The following PAK1 variants were observed in gnomAD, a reference collection of about 807,000 sequenced individuals.
PAK1 encodes the protein p21 (RAC1) activated kinase 1.
In PAK1, 29 loss-of-function variants were observed where a neutral mutation model predicts 67.4. The observed-to-expected ratio is 0.43, with a 90% confidence interval of 0.32 to 0.59. The LOEUF is 0.59. Ranked by LOEUF, PAK1 falls within the 20% of genes least tolerant of loss-of-function variation. The pLI is 0.07. For synonymous variants in PAK1, 223 were observed against 237.4 expected, an observed-to-expected ratio of 0.94 and a Z score of 0.56; for missense variants, 337 against 670.7, an observed-to-expected ratio of 0.50 and a Z score of 5.50.
chr11:77,407,840 A>G (rs1191411490), intron 1 of PAK1, among the ~76,000 whole-genome samples: 1 of 152,232 alleles, frequency 6.6e-6, no homozygotes, highest in Non-Finnish European at 1.5e-5. Context: ...ACAGGGACGA[A>G]GTCTGTTTCC....
rs142981945 is a variant in PAK1, at chr11:77,324,750, T to TACACACAC, written c.1552-1398_1552-1391dup. ...TGATTAGTCATATTGTATATATGTATACACACACACACACACACACACACA... is the reference window on the plus strand; with the variant it reads ...TGATTAGTCATATTGTATATATGTATACACACACACACACACACACACACACACACACA... On this transcript the variant is annotated intron_variant, in intron 14 of 14. Transcript: ENST00000356341. 9.5e-3 allele frequency among the ~76,000 whole-genome samples: 1,336 copies of TACACACAC among 140,774 alleles called. 10 individuals carry two copies. The highest frequency in any genetic ancestry group is 0.031 in the African/African-American group (1,037 of 33,832). 92.4% of individuals were successfully genotyped at this position (140,774 alleles called of 152,430 possible).
intron 14 of PAK1, among the ~76,000 whole-genome samples, chr11:77,327,177 C>T (rs1443159165): frequency 6.6e-6 from 1 of 152,020 alleles, no homozygotes; most frequent in African/African-American, 2.4e-5. Flanking sequence ...CTGAAAGTGA[C>T]GGGGAGAATG....
chr11:77,518,253 C>A, the PAK1 span, among the ~76,000 whole-genome samples: 1 of 151,946 alleles, frequency 6.6e-6, no homozygotes. Context: ...AATTTGAATA[C>A]TTTTTATGAA....
chr11:77,327,742 C>T (rs930635343), intron 14 of PAK1, among the ~76,000 whole-genome samples: 1 of 152,174 alleles, frequency 6.6e-6, no homozygotes, highest in African/African-American at 2.4e-5. Flanking sequence ...AGCAAAATAA[C>T]CAGCTAACAT....
chr11:77,502,487 T>C, the PAK1 span, among the ~76,000 whole-genome samples: 1 of 152,230 alleles, frequency 6.6e-6, no homozygotes, highest in African/African-American at 2.4e-5. Context: ...GGATAGATTC[T>C]CAGAAGTAGA....
chr11:77,359,014 C>T lies in PAK1; in HGVS notation c.481G>A (p.Val161Met), dbSNP rs1946421005. 1 of 1,612,740 alleles carries T rather than the reference C, an allele frequency of 6.2e-7. No individual in the cohort carries two copies. The highest frequency in any genetic ancestry group is 1.3e-5 in the African/African-American group (1 of 74,862). The change falls in exon 6 of 15, where the codon GTG becomes ATG. Residue 161 changes from valine (V) to methionine (M), a missense_variant. Around this residue, in one of 8 missense-constraint regions of PAK1, gnomAD observed 150 missense variants for 179.0 expected, o/e 0.84. Transcript: ENST00000356341. ...EDYNSSNALN[V>M]KAVSETPAVP... ...GCAGGAGTCTCAGACACAGCCTTCA[C>T]ATTCTGTGCAAAGAAGAAAAGCAAG...
intron 5 of PAK1, among the ~76,000 whole-genome samples, chr11:77,360,204 A>T (rs1437724807): frequency 6.6e-6 from 1 of 152,176 alleles, no homozygotes; most frequent in East Asian, 1.9e-4. Context: ...CATTTGACAT[A>T]CTAAAGTAAG....
the PAK1 span, among the ~76,000 whole-genome samples, chr11:77,523,237 T>G: frequency 9.3e-4 from 142 of 152,132 alleles, no homozygotes; most frequent in African/African-American, 3.2e-3. Flanking sequence ...GTTGAAAAAT[T>G]TTTTAAAAGG....
chr11:77,433,406 CA>C (rs1361837996), intron 1 of PAK1, among the ~76,000 whole-genome samples: 1 of 152,124 alleles, frequency 6.6e-6, no homozygotes, highest in Non-Finnish European at 1.5e-5. Flanking sequence ...AGACAATCCA[CA>C]AAATTGGAGA....
At chr11:77,356,043 C>A in intron 6 of PAK1, 1 of 481,124 alleles carries the variant, frequency 2.1e-6, no homozygotes, top group African/African-American at 2.0e-5. Flanking sequence ...TCACTGTAAA[C>A]AAAAGAAGTG....
intron 1 of PAK1, among the ~76,000 whole-genome samples, chr11:77,413,616 G>A (rs1954776537): frequency 6.6e-6 from 1 of 152,056 alleles, no homozygotes; most frequent in African/African-American, 2.4e-5. Context: ...CCAGGAGGCG[G>A]AAGTTGCAGT....
chr11:77,336,369 A>C, intron 12 of PAK1, 87 bp from the exon 13 acceptor site: 1 of 984,642 alleles, frequency 1.0e-6, no homozygotes. Flanking sequence ...CACATAGGTG[A>C]CAAGATCCGC....
At chr11:77,380,521 G>C (rs1352053316) in intron 2 of PAK1, among the ~76,000 whole-genome samples, 2 of 152,012 alleles carry the variant, frequency 1.3e-5, no homozygotes, top group African/African-American at 2.4e-5. Context: ...AAAATAAAGG[G>C]AGAGGCAAAA....
intron 1 of PAK1, among the ~76,000 whole-genome samples, chr11:77,424,364 G>A (rs1955441728): frequency 6.6e-6 from 1 of 152,214 alleles, no homozygotes; most frequent in Non-Finnish European, 1.5e-5. Context: ...CCAGAAGCAA[G>A]GAAGCTTGGG....
At chr11:77,413,667 G>A (rs775512394) in intron 1 of PAK1, among the ~76,000 whole-genome samples, 5 of 150,958 alleles carry the variant, frequency 3.3e-5, no homozygotes, top group Admixed American at 6.6e-5. Flanking sequence ...TGGGCAACAA[G>A]AGCGAAACTC....
intron 1 of PAK1, among the ~76,000 whole-genome samples, chr11:77,459,690 C>CTTT (rs755731892): frequency 5.7e-4 from 77 of 134,502 alleles, no homozygotes; most frequent in East Asian, 8.6e-4. Context: ...TCTTCTTCTT[C>CTTT]TTTTTTTTTT....
Position 77,323,308 on chromosome 11 carries a change from G to A in PAK1, c.1604C>T (p.Ala535Val). ...GTTCTTTGTTGCCTCCTTAGCTGCA[G>A]CAATCAGTGGAGTGAGGCTGGAGAG... is the stretch of plus-strand genomic sequence containing the variant. ...KPLSSLTPLI[A>V]AAKEATKNNH is the part of the protein sequence containing the mutation. The change falls in exon 15 of 15, where the codon GCT becomes GTT. Residue 535 changes from alanine (A) to valine (V), a missense_variant. Ala to Val is a moderately conservative substitution (Grantham distance 64). This residue lies in a region of PAK1 where 71 missense variants were observed against 160.5 expected (regional missense o/e 0.44). Coordinates refer to ENST00000356341, the MANE Select transcript of PAK1 (RefSeq NM_002576.5). 1.2e-6 allele frequency: 2 copies of A among 1,613,982 alleles called. No individual in the cohort carries two copies. Among genetic ancestry groups the A allele is most frequent in the South Asian group, 1.1e-5 (1 of 91,080 alleles).
chr11:77,473,041 G>A (rs904176138), intron 1 of PAK1, among the ~76,000 whole-genome samples: 1 of 152,126 alleles, frequency 6.6e-6, no homozygotes, highest in Non-Finnish European at 1.5e-5. Context: ...GTGGGGGAGG[G>A]GCTGCGTAAG....
At chr11:77,471,453 G>A (rs112513864) in intron 1 of PAK1, among the ~76,000 whole-genome samples, 23 of 152,328 alleles carry the variant, frequency 1.5e-4, no homozygotes, top group African/African-American at 5.3e-4. Context: ...ATGTACATGA[G>A]CCAGAGGATG....
Sources: allele counts gnomAD v4.1 joint callset (sites outside exome capture counted in the v4.1 genomes callset), GRCh38; gene constraint gnomAD v4.1.1; regional missense constraint gnomAD v4.1.1; transcripts MANE v1.5; gene names NCBI Gene and HGNC (gene_info 2026-07-23, HGNC 2026-07-21).